WDR43: variants seen among roughly 807,000 people sequenced by gnomAD.
The protein encoded by WDR43 is WD repeat domain 43, also known as WD repeat-containing protein 43.
Under a neutral mutation model 91.4 loss-of-function variants are expected in WDR43, and 13 were observed. The observed-to-expected ratio is 0.14, with a 90% CI of 0.09 to 0.23. WDR43 has a LOEUF of 0.23. Ranked by LOEUF, WDR43 falls within the 10% of genes least tolerant of loss-of-function variation. The probability of loss-of-function intolerance (pLI) is 1.00; values close to 1 mark genes in which losing one functional copy is unlikely to be tolerated. For synonymous variants in WDR43, 331 were observed against 287.9 expected (o/e 1.15, Z -1.51); for missense variants, 780 against 809.4 (o/e 0.96, Z 0.44).
chr2:28,921,410 G>C (rs1671023826), intron 6 of WDR43, among the ~76,000 whole-genome samples: 1 of 152,166 alleles, frequency 6.6e-6, no homozygotes. Context: ...ACAGGTGTGA[G>C]CCACTGTGCC....
intron 2 of WDR43, 63 bp downstream of exon 2, chr2:28,902,187 TAA>T (rs370426248): frequency 8.2e-6 from 11 of 1,343,902 alleles, no homozygotes; most frequent in South Asian, 1.6e-5. Flanking sequence ...TAGAGATTAT[TAA>T]AAAAAAAACA....
At chr2:28,914,580 A>G (rs1670871446) in intron 5 of WDR43, among the ~76,000 whole-genome samples, 1 of 152,234 alleles carries the variant, frequency 6.6e-6, no homozygotes, top group South Asian at 2.1e-4. Context: ...CAGAATTTCC[A>G]GTAACTCCTT....
At chr2:28,945,516 A>G (rs932822569) in intron 16 of WDR43, among the ~76,000 whole-genome samples, 1 of 152,084 alleles carries the variant, frequency 6.6e-6, no homozygotes, top group Non-Finnish European at 1.5e-5. Flanking sequence ...AGAATGCCCC[A>G]CCTTATGTTT....
chr2:28,924,841 T>A (rs1195692526), intron 7 of WDR43, 141 bp from the exon 8 acceptor site: 2 of 886,900 alleles, frequency 2.3e-6, no homozygotes, highest in Admixed American at 2.7e-5. Flanking sequence ...GGAGTACTCA[T>A]GCTCCGGAGA....
At chr2:28,903,462 C>T (rs1443370062) in intron 2 of WDR43, among the ~76,000 whole-genome samples, 2 of 152,126 alleles carry the variant, frequency 1.3e-5, no homozygotes, top group Non-Finnish European at 2.9e-5. Context: ...CCCAACAAAA[C>T]AGCAACAACG....
rs780453883 is a variant in WDR43, at chr2:28,894,921, A to G, written c.223A>G (p.Lys75Glu). ...LAWAPARLQAKESPQRKKRKS... is the reference protein window; with the variant it reads ...LAWAPARLQAEESPQRKKRKS... ...CTGGGCGCCAGCGCGGCTGCAGGCC[A>G]AGGTAAAGCGAGCGGGACTGCGCGG... Residue 75 changes from lysine to glutamate, a missense_variant and splice_region_variant, in exon 1 of 18, where the codon AAG (lysine) becomes GAG (glutamate). Physicochemically the swap from Lys to Glu is moderately conservative, Grantham distance 56 (BLOSUM62 1). This residue lies in a region of WDR43 where 175 missense variants were observed against 113.8 expected (regional missense o/e 1.54). Transcript: ENST00000407426. 1.9e-6 allele frequency: 3 copies of G among 1,583,670 alleles called. No homozygotes were observed. In the South Asian group the frequency reaches 3.4e-5, roughly 18 times the overall value.
intron 3 of WDR43, among the ~76,000 whole-genome samples, chr2:28,908,062 A>C (rs1230192655): frequency 1.3e-5 from 2 of 152,220 alleles, no homozygotes; most frequent in Non-Finnish European, 2.9e-5. Context: ...TGGTTGTAGG[A>C]TGGTAAGTGT....
rs1191600651 is a variant in WDR43, at chr2:28,894,796, C to T, written c.98C>T (p.Ser33Phe). 6.2e-7 allele frequency: 1 copy of T among 1,610,070 alleles called. No homozygotes were observed. Among genetic ancestry groups the T allele is most frequent in the East Asian group, 2.2e-5 (1 of 44,760 alleles). The stretch of plus-strand genomic sequence containing the variant: ...AGCCAGGCCTACTTCGCTTTGGCCT[C>T]TACCGACGGTCACTTACGAGTATGG... ...PHSQAYFALA[S>F]TDGHLRVWET... The change falls in exon 1 of 18, where the codon TCT becomes TTT. Residue 33 changes from serine (S) to phenylalanine (F), a missense_variant. This residue lies in a region of WDR43 where 175 missense variants were observed against 113.8 expected (regional missense o/e 1.54). Transcript: ENST00000407426.
chr2:28,946,297 AAAT>A (rs1671540849), intron 16 of WDR43, among the ~76,000 whole-genome samples, 150 bp from the exon 17 acceptor site: 2 of 152,192 alleles, frequency 1.3e-5, no homozygotes, highest in African/African-American at 4.8e-5. Context: ...CAAAAAAAAA[AAAT>A]AATAAAATAA....
rs1460963849 is a variant in WDR43 at position 28,947,901 on chromosome 2, C to A, written c.*1122C>A. ...TTTTTTTTTTTTTTAAAGAATGAGC[C>A]GATATTGGCTTAGTGCTCACTAGGG... On this transcript the variant is annotated 3_prime_UTR_variant, in exon 18 of 18. Transcript: ENST00000407426. The A allele has an allele frequency of 7.3e-6, 1 of 136,350 alleles. No individual in the cohort carries two copies. Among genetic ancestry groups the A allele is most frequent in the East Asian group, 2.1e-4 (1 of 4,684 alleles). The allele number at this position is 136,350 out of a possible 1,614,324, so 8.4% of individuals were successfully genotyped here.
chr2:28,904,325 G>T (rs1378587956), intron 2 of WDR43, among the ~76,000 whole-genome samples: 1 of 152,120 alleles, frequency 6.6e-6, no homozygotes, highest in African/African-American at 2.4e-5. Context: ...TCCCTTAAAT[G>T]GGTATTAACA....
At chr2:28,935,875 T>G (rs1288378883) in intron 12 of WDR43, 1 of 268,594 alleles carries the variant, frequency 3.7e-6, no homozygotes, top group East Asian at 6.7e-5. Context: ...TTGGAACTTG[T>G]GGCACAGAAT....
At chr2:28,929,373 T>C (rs1039867448) in intron 10 of WDR43, among the ~76,000 whole-genome samples, 2 of 152,110 alleles carry the variant, frequency 1.3e-5, no homozygotes, top group African/African-American at 2.4e-5. Flanking sequence ...TTTTTTTCAC[T>C]AGAATCTGGA....
At chr2:28,942,915 T>C (rs766346936) in intron 16 of WDR43, among the ~76,000 whole-genome samples, 16 of 150,990 alleles carry the variant, frequency 1.1e-4, no homozygotes, top group Non-Finnish European at 2.1e-4. Flanking sequence ...ATGGAAAATA[T>C]TTAAATAGAA....
intron 11 of WDR43, among the ~76,000 whole-genome samples, chr2:28,930,918 T>C (rs939886745): frequency 6.6e-6 from 1 of 152,144 alleles, no homozygotes; most frequent in African/African-American, 2.4e-5. Flanking sequence ...TGATCACATA[T>C]CATTTTATCC....
Position 28,947,022 on chromosome 2 carries a change from G to A in WDR43, c.*243G>A. 2.7e-6 allele frequency: 1 copy of A among 363,786 alleles called. No individual in the cohort carries two copies. The highest frequency in any genetic ancestry group is 6.0e-5 in the South Asian group (1 of 16,802). 22.5% of individuals were successfully genotyped at this position (363,786 alleles called of 1,614,324 possible). ...CATTTTCTGCAATGTACTGACATCA[G>A]TGTCCAATATATGGTATATTTTTAT... On this transcript the variant is annotated 3_prime_UTR_variant, in exon 18 of 18. Coordinates refer to ENST00000407426, the MANE Select transcript of WDR43 (RefSeq NM_015131.3).
intron 2 of WDR43, among the ~76,000 whole-genome samples, chr2:28,902,628 T>C (rs1159141092): frequency 6.6e-6 from 1 of 152,196 alleles, no homozygotes; most frequent in African/African-American, 2.4e-5. Context: ...GTTGGATAAA[T>C]TGGATATTGG....
chr2:28,902,920 G>A (rs1404307932), intron 2 of WDR43, among the ~76,000 whole-genome samples: 1 of 152,092 alleles, frequency 6.6e-6, no homozygotes, highest in East Asian at 1.9e-4. Context: ...TCTGTATATA[G>A]GAGTGTTTTA....
At chr2:28,903,409 A>G (rs1275369612) in intron 2 of WDR43, among the ~76,000 whole-genome samples, 1 of 152,190 alleles carries the variant, frequency 6.6e-6, no homozygotes, top group Non-Finnish European at 1.5e-5. Flanking sequence ...GTGATAGGAG[A>G]TAAGTACTTT....
Sources: gnomAD v4.1 joint callset for allele counts (sites outside exome capture counted in the v4.1 genomes callset) on GRCh38, gnomAD v4.1.1 for gene constraint, gnomAD v4.1.1 regional missense constraint, MANE v1.5 for transcripts, NCBI Gene and HGNC (gene_info 2026-07-23, HGNC 2026-07-21) for gene names.